The following CCDC172 variants were observed in gnomAD, a reference collection of about 807,000 sequenced individuals.
CCDC172 encodes coiled-coil domain-containing protein 172.
CCDC172 carries 30 observed loss-of-function variants against 38.0 expected under a neutral mutation model. The ratio of observed to expected loss-of-function variants is 0.79; its 90% CI spans 0.59 to 1.07. The LOEUF (loss-of-function observed/expected upper bound fraction) is 1.07. CCDC172 is among the 50% of genes least tolerant of loss of function. The probability of loss-of-function intolerance (pLI) is 0.00; values close to 1 mark genes in which losing one functional copy is unlikely to be tolerated. For synonymous variants in CCDC172, 78 were observed against 88.3 expected, an observed-to-expected ratio of 0.88 and a Z score of 0.66; for missense variants, 297 against 290.1, an observed-to-expected ratio of 1.02 and a Z score of -0.17.
chr10:116,372,407 AG>A (rs202125462), intron 7 of CCDC172, among the ~76,000 whole-genome samples: 2,055 of 152,224 alleles, frequency 0.013, 23 homozygotes, highest in Non-Finnish European at 0.023. Context: ...ACTGCAATCA[AG>A]ATATAGAATA....
At chr10:116,328,712 A>C (rs1844621134) in intron 3 of CCDC172, among the ~76,000 whole-genome samples, 2 of 152,124 alleles carry the variant, frequency 1.3e-5, no homozygotes, top group Admixed American at 1.3e-4. Flanking sequence ...ATTAAAAAGT[A>C]ACTTAAGGTG....
At chr10:116,332,479 A>G (rs1230966516) in intron 3 of CCDC172, among the ~76,000 whole-genome samples, 1 of 152,128 alleles carries the variant, frequency 6.6e-6, no homozygotes, top group Non-Finnish European at 1.5e-5. Context: ...CTTCTAAGCT[A>G]TTAATATCTG....
At chr10:116,368,290 C>T (rs1845146787) in intron 7 of CCDC172, among the ~76,000 whole-genome samples, 1 of 152,088 alleles carries the variant, frequency 6.6e-6, no homozygotes, top group Admixed American at 6.5e-5. Context: ...TTATTGTCCA[C>T]TAATGATTCC....
intron 7 of CCDC172, among the ~76,000 whole-genome samples, chr10:116,377,596 G>A (rs1422259874): frequency 6.6e-6 from 1 of 152,082 alleles, no homozygotes; most frequent in Admixed American, 6.6e-5. Context: ...TTGGGGAAAA[G>A]AAACTTAATT....
chr10:116,377,534 T>C (rs979992016), intron 7 of CCDC172, among the ~76,000 whole-genome samples: 18 of 152,300 alleles, frequency 1.2e-4, no homozygotes, highest in African/African-American at 4.3e-4. Context: ...ATAAAATGTA[T>C]GTGCTTTTTC....
At chr10:116,325,614 T>A (rs1162333501) in intron 3 of CCDC172, among the ~76,000 whole-genome samples, 1 of 152,226 alleles carries the variant, frequency 6.6e-6, no homozygotes, top group Non-Finnish European at 1.5e-5. Context: ...TAATGAAGAA[T>A]TCATTGTCCA....
chr10:116,342,009 A>G, intron 4 of CCDC172, 27 bp from the exon 5 acceptor site: 1 of 1,416,788 alleles, frequency 7.1e-7, no homozygotes, highest in Non-Finnish European at 9.4e-7. Flanking sequence ...TAACACCTAT[A>G]TTTGATCTTT....
At chr10:116,364,243 C>T (rs1845097415) in intron 7 of CCDC172, among the ~76,000 whole-genome samples, 1 of 151,994 alleles carries the variant, frequency 6.6e-6, no homozygotes, top group Non-Finnish European at 1.5e-5. Context: ...AAATTAAAAC[C>T]ACTAAATATT....
At chr10:116,343,717 C>A (rs561474083) in intron 5 of CCDC172, among the ~76,000 whole-genome samples, 2 of 152,112 alleles carry the variant, frequency 1.3e-5, no homozygotes, top group African/African-American at 4.8e-5. Context: ...TACTGAGGCT[C>A]ACTTCATTAG....
At chr10:116,366,009 T>G (rs1845118886) in intron 7 of CCDC172, among the ~76,000 whole-genome samples, 1 of 152,160 alleles carries the variant, frequency 6.6e-6, no homozygotes, top group Non-Finnish European at 1.5e-5. Flanking sequence ...AACTATGCAT[T>G]TCTCACAATA....
At chr10:116,334,527 A>G (rs1743396529) in intron 3 of CCDC172, among the ~76,000 whole-genome samples, 1 of 152,032 alleles carries the variant, frequency 6.6e-6, no homozygotes, top group Non-Finnish European at 1.5e-5. Flanking sequence ...ACTGTAACCT[A>G]GACATCTGAG....
At chr10:116,365,085 A>G (rs1845107440) in intron 7 of CCDC172, among the ~76,000 whole-genome samples, 4 of 152,156 alleles carry the variant, frequency 2.6e-5, no homozygotes, top group Admixed American at 2.0e-4. Flanking sequence ...TGACTCCTGT[A>G]GGCAATCAGT....
chr10:116,334,114 A>G (rs1844700725), intron 3 of CCDC172, among the ~76,000 whole-genome samples: 1 of 152,168 alleles, frequency 6.6e-6, no homozygotes, highest in Non-Finnish European at 1.5e-5. Context: ...AGAGGAAGGA[A>G]AGGGAGAGAT....
chr10:116,371,202 A>G (rs1845182367), intron 7 of CCDC172, among the ~76,000 whole-genome samples: 1 of 151,838 alleles, frequency 6.6e-6, no homozygotes, highest in African/African-American at 2.4e-5. Flanking sequence ...TTTATTGGGT[A>G]AAAATAATAT....
At chr10:116,378,316 T>C in intron 7 of CCDC172, 107 bp from the exon 8 acceptor site, 1 of 1,135,368 alleles carries the variant, frequency 8.8e-7, no homozygotes, top group Non-Finnish European at 1.2e-6. Context: ...TTATTTAGTC[T>C]TAACTTGAAA....
chr10:116,353,020 C>A (rs561706151), intron 5 of CCDC172, among the ~76,000 whole-genome samples: 1 of 151,808 alleles, frequency 6.6e-6, no homozygotes, highest in Non-Finnish European at 1.5e-5. Context: ...GGTGAAACCC[C>A]GTCTCTACTC....
At chr10:116,368,660 C>A (rs1224223057) in intron 7 of CCDC172, among the ~76,000 whole-genome samples, 1 of 151,802 alleles carries the variant, frequency 6.6e-6, no homozygotes, top group African/African-American at 2.4e-5. Context: ...AATCCTGGAA[C>A]CAATTATTTT....
At chr10:116,351,644 A>C (rs570367031) in intron 5 of CCDC172, among the ~76,000 whole-genome samples, 7 of 152,222 alleles carry the variant, frequency 4.6e-5, no homozygotes, top group Admixed American at 1.3e-4. Flanking sequence ...ATTTTATGGA[A>C]TTTTCCCTTC....
chr10:116,331,718 G>A (rs150670435), intron 3 of CCDC172, among the ~76,000 whole-genome samples: 3,282 of 151,916 alleles, frequency 0.022, 52 homozygotes, highest in Middle Eastern at 0.068. Flanking sequence ...TTATTTTATT[G>A]AACTTATCTT....
Sources: allele counts gnomAD v4.1 joint callset (sites outside exome capture counted in the v4.1 genomes callset), GRCh38; gene constraint gnomAD v4.1.1; transcripts MANE v1.5; gene names NCBI Gene and HGNC (gene_info 2026-07-23, HGNC 2026-07-21).